The following PSCA variants were observed in gnomAD, a reference collection of about 807,000 sequenced individuals.
PSCA encodes prostate stem cell antigen.
A neutral mutation model predicts 7.9 loss-of-function variants in PSCA; 7 were observed. The observed-to-expected ratio is 0.89, with a 90% confidence interval of 0.51 to 1.67. The LOEUF (loss-of-function observed/expected upper bound fraction) is 1.67, where lower values mean the gene tolerates loss of function less well. Ranked by LOEUF, PSCA falls within the 40% of genes most tolerant of loss-of-function variation. PSCA has a pLI of 0.00. For missense variants in PSCA, 151 were observed against 147.9 expected (o/e 1.02, Z -0.11); for synonymous variants, 61 against 68.3 (o/e 0.89, Z 0.53).
intron 1 of PSCA, among the ~76,000 whole-genome samples, chr8:142,671,539 T>C (rs1374764603): frequency 6.6e-6 from 1 of 152,166 alleles, no homozygotes; most frequent in East Asian, 1.9e-4. Context: ...CAAATACAGA[T>C]TTGGGTAGCT....
At chr8:142,681,139 T>C (rs1046167234) in intron 1 of PSCA, 188 bp from the exon 2 acceptor site, 50 of 574,296 alleles carry the variant, frequency 8.7e-5, no homozygotes, top group Non-Finnish European at 1.3e-4. Context: ...ACCGAGGGAC[T>C]AAACAGGGCA....
upstream of PSCA, among the ~76,000 whole-genome samples, chr8:142,678,560 G>C (rs587634558): frequency 1.3e-5 from 2 of 152,388 alleles, no homozygotes; most frequent in East Asian, 3.9e-4. Flanking sequence ...ACAGTGACCA[G>C]AGGCTGGCCA....
rs587600831 is a variant in PSCA at position 142,673,943 on chromosome 8, C to A, written n.261+3375C>A. On this transcript the variant is annotated intron_variant and non_coding_transcript_variant, in intron 1 of 1. Transcript: ENST00000505305. The surrounding 1 kb of genome is among the most constrained non-coding windows in gnomAD (Gnocchi z 4.6). ...GTCTAACCTCAGCAGAGCTCAGATC[C>A]CCTCATCTTCCTAATGAATAACGGC... Among the ~76,000 whole-genome samples the A allele has an allele frequency of 1.3e-5, 2 of 151,866 alleles. No individual in the cohort carries two copies. Among genetic ancestry groups the A allele is most frequent in the East Asian group, 3.9e-4 (2 of 5,172 alleles).
rs782141134 is a variant in PSCA at position 142,682,350 on chromosome 8, C to T, written c.*218C>T. The T allele has an allele frequency of 5.6e-6, 4 of 708,712 alleles. No homozygotes were observed. The highest frequency in any genetic ancestry group is 7.7e-6 in the Non-Finnish European group (3 of 391,988). The allele number at this position is 708,712 out of a possible 1,614,324, so 43.9% of individuals were successfully genotyped here. ...GCAGATCGGCTCTATTGACACAGAT[C>T]CGCCTGCAGATGGCCCCTCCAACCC... On this transcript the variant is annotated 3_prime_UTR_variant, in exon 3 of 3. Coordinates refer to ENST00000301258, the MANE Select transcript of PSCA (RefSeq NM_005672.5).
chr8:142,681,401 C>A lies in PSCA; in HGVS notation c.100C>A (p.Gln34Lys). ...CTGCCTGCAGGTGGAGAACTGCACC[C>A]AGCTGGGGGAGCAGTGCTGGACCGC... The part of the protein sequence containing the change: ...EDCLQVENCT[Q>K]LGEQCWTARI... Residue 34 changes from glutamine to lysine, a missense_variant, in exon 2 of 3, where the codon CAG becomes AAG. By Grantham distance (53) the Gln-to-Lys change is moderately conservative (BLOSUM62 1). Transcript: ENST00000301258. The A allele has an allele frequency of 6.3e-7, 1 of 1,593,868 alleles. No homozygotes were observed. Among genetic ancestry groups the A allele is most frequent in the Non-Finnish European group, 8.5e-7 (1 of 1,170,524 alleles).
upstream of PSCA, chr8:142,680,295 T>C (rs1847446185): frequency 1.8e-6 from 1 of 551,378 alleles, no homozygotes; most frequent in Non-Finnish European, 3.3e-6. Context: ...GGCTGAGATA[T>C]GGCCCTGGGT....
At chr8:142,681,243 A>G in intron 1 of PSCA, 84 bp from the exon 2 acceptor site, 4 of 1,054,056 alleles carry the variant, frequency 3.8e-6, no homozygotes. Context: ...GGCCACCGCC[A>G]TGGAGGCCCA....
chr8:142,681,426 C>A lies in PSCA; in HGVS notation c.125C>A (p.Ala42Glu). 6.3e-7 allele frequency: 1 copy of A among 1,588,322 alleles called. No individual in the cohort carries two copies. The highest frequency in any genetic ancestry group is 8.6e-7 in the Non-Finnish European group (1 of 1,167,746). Reference sequence around the variant, plus strand: ...CAGCTGGGGGAGCAGTGCTGGACCGCGCGCATCCGTGAGTGGGGGGACGAC... The same window carrying A: ...CAGCTGGGGGAGCAGTGCTGGACCGAGCGCATCCGTGAGTGGGGGGACGAC... ...CTQLGEQCWT[A>E]RIRAVGLLTV... Residue 42 changes from alanine (A) to glutamate (E), a missense_variant, in exon 2 of 3, where the codon GCG becomes GAG. Coordinates refer to ENST00000301258, the MANE Select transcript of PSCA (RefSeq NM_005672.5).
chr8:142,672,241 G>C (rs1847341379), intron 1 of PSCA, among the ~76,000 whole-genome samples: 1 of 150,640 alleles, frequency 6.6e-6, no homozygotes, highest in Non-Finnish European at 1.5e-5. Flanking sequence ...AATCCAGCCA[G>C]TGTTTGGCCT....
chr8:142,680,167 C>G (rs984653734), upstream of PSCA: 3 of 267,830 alleles, frequency 1.1e-5, no homozygotes, highest in Non-Finnish European at 2.2e-5. Context: ...GCTGGAAGGC[C>G]GAGGCCTGGA....
upstream of PSCA, chr8:142,675,991 G>A (rs2976386): frequency 0.43 from 65,545 of 152,176 alleles, 14,377 homozygotes; most frequent in Admixed American, 0.51. Context: ...GCATGGGACC[G>A]TGTGGGGCCC....
chr8:142,671,081 A>G (rs587596355), intron 1 of PSCA, among the ~76,000 whole-genome samples: 3 of 152,358 alleles, frequency 2.0e-5, no homozygotes, highest in Non-Finnish European at 4.4e-5. Flanking sequence ...AAATTTGTAC[A>G]TGTTCAGTAC....
At chr8:142,679,003 T>C (rs2976389), upstream of PSCA, among the ~76,000 whole-genome samples, 65,870 of 149,680 alleles carry the variant, frequency 0.44, 14,449 homozygotes, top group Admixed American at 0.51. Flanking sequence ...TAGAGGGCCA[T>C]AGCCACTGCC....
chr8:142,670,952 T>C (rs1847312788), intron 1 of PSCA, among the ~76,000 whole-genome samples: 1 of 152,222 alleles, frequency 6.6e-6, no homozygotes, highest in Non-Finnish European at 1.5e-5. Context: ...GCATATAACC[T>C]ACACACATCT....
intron 1 of PSCA, among the ~76,000 whole-genome samples, chr8:142,674,787 A>G (rs1554637686): frequency 6.6e-6 from 1 of 152,204 alleles, no homozygotes; most frequent in Non-Finnish European, 1.5e-5. Flanking sequence ...TGCCTGGGCC[A>G]CTACAGCAGC....
chr8:142,680,963 C>T (rs1419100655), intron 1 of PSCA: 14 of 447,654 alleles, frequency 3.1e-5, no homozygotes, highest in East Asian at 2.7e-4. Flanking sequence ...GGGTGTCCTG[C>T]GAGGACCCGG....
chr8:142,670,346 A>G (rs1847298462), exon 1 of PSCA: 2 of 152,318 alleles, frequency 1.3e-5, no homozygotes, highest in Non-Finnish European at 2.9e-5. Flanking sequence ...GGGCTCCTGC[A>G]GTTCTGGGGC....
chr8:142,675,468 G>GA (rs1847388301), upstream of PSCA, among the ~76,000 whole-genome samples: 1 of 152,208 alleles, frequency 6.6e-6, no homozygotes, highest in Non-Finnish European at 1.5e-5. Context: ...GGGTGGGCTT[G>GA]GGGAAGAACG....
chr8:142,677,963 T>C (rs1554637958), upstream of PSCA, among the ~76,000 whole-genome samples: 1 of 152,088 alleles, frequency 6.6e-6, no homozygotes, highest in African/African-American at 2.4e-5. Context: ...CAAAGGCAGA[T>C]TCCTGGTGCC....
Sources: gnomAD v4.1 joint callset for allele counts (sites outside exome capture counted in the v4.1 genomes callset) on GRCh38, gnomAD v4.1.1 for gene constraint, Gnocchi (gnomAD v3.1) non-coding constraint, MANE v1.5 for transcripts, NCBI Gene and HGNC (gene_info 2026-07-23, HGNC 2026-07-21) for gene names.